The following TMEM117 variants were observed in gnomAD, a reference collection of about 807,000 sequenced individuals.
The protein encoded by TMEM117 is transmembrane protein 117.
TMEM117 carries 27 observed loss-of-function variants against 52.4 expected under a neutral mutation model. The ratio of observed to expected loss-of-function variants is 0.51; its 90% CI spans 0.38 to 0.71. The LOEUF (loss-of-function observed/expected upper bound fraction) is 0.71. TMEM117 is among the 30% of genes least tolerant of loss of function. The probability of loss-of-function intolerance (pLI) is 0.00; values close to 1 mark genes in which losing one functional copy is unlikely to be tolerated. For synonymous variants in TMEM117, 215 were observed against 206.3 expected, an observed-to-expected ratio of 1.04 and a Z score of -0.36; for missense variants, 556 against 630.5, an observed-to-expected ratio of 0.88 and a Z score of 1.26.
chr12:43,956,194 A>G (rs983983575), intron 3 of TMEM117, among the ~76,000 whole-genome samples: 29 of 152,234 alleles, frequency 1.9e-4, no homozygotes, highest in African/African-American at 7.0e-4. Flanking sequence ...AAACCCTAGA[A>G]GACAATCTAG....
At chr12:43,999,613 G>T (rs1356595131) in intron 3 of TMEM117, among the ~76,000 whole-genome samples, 1 of 152,040 alleles carries the variant, frequency 6.6e-6, no homozygotes, top group Non-Finnish European at 1.5e-5. Flanking sequence ...AAGTAGGTGG[G>T]ACTACAGGCA....
At chr12:44,350,515 C>T (rs928317200) in intron 6 of TMEM117, among the ~76,000 whole-genome samples, 9 of 151,970 alleles carry the variant, frequency 5.9e-5, no homozygotes, top group Middle Eastern at 3.4e-3. Flanking sequence ...TTTGTTGTAT[C>T]CATTATCCTT....
intron 5 of TMEM117, among the ~76,000 whole-genome samples, chr12:44,275,381 G>T (rs2138579224): frequency 6.6e-6 from 1 of 152,236 alleles, no homozygotes; most frequent in East Asian, 1.9e-4. Context: ...ATGGAGAACA[G>T]TTTGGAGGTT....
At chr12:43,969,057 C>A (rs1945531352) in intron 3 of TMEM117, among the ~76,000 whole-genome samples, 1 of 149,074 alleles carries the variant, frequency 6.7e-6, no homozygotes, top group African/African-American at 2.6e-5. Context: ...GGTAATGTCA[C>A]AGTATCACTA....
At chr12:43,819,464 C>T in the TMEM117 span, among the ~76,000 whole-genome samples, 168 of 152,024 alleles carry the variant, frequency 1.1e-3, no homozygotes, top group Admixed American at 3.9e-3. Flanking sequence ...TTATAGTACC[C>T]ATGACTGGGT....
intron 5 of TMEM117, 34 bp from the exon 6 acceptor site, chr12:44,299,546 T>C (rs754957817): frequency 4.3e-6 from 7 of 1,611,022 alleles, no homozygotes; most frequent in Non-Finnish European, 5.1e-6. Context: ...ATTTTATGCC[T>C]TATGTTCTTT....
Position 44,263,305 on chromosome 12 carries a change from C to G in TMEM117, c.609-36275C>G, listed in dbSNP as rs557923053. 2.6e-5 allele frequency among the ~76,000 whole-genome samples: 4 copies of G among 152,186 alleles called. No individual in the cohort carries two copies. The South Asian group carries it at 8.3e-4, about 32-fold the overall frequency. Reference sequence around the variant, plus strand: ...TGCAAATCAAAACCACAATGAGATACCATCTCACGCCAGTTAGAATGGTGA... The same window carrying G: ...TGCAAATCAAAACCACAATGAGATAGCATCTCACGCCAGTTAGAATGGTGA... On this transcript the variant is annotated intron_variant, in intron 5 of 7. Transcript: ENST00000266534.
intron 3 of TMEM117, among the ~76,000 whole-genome samples, chr12:44,049,851 G>A (rs1232651597): frequency 3.9e-5 from 6 of 152,142 alleles, no homozygotes; most frequent in South Asian, 2.1e-4. Flanking sequence ...AGAATGGCCC[G>A]AGGAATTAAC....
chr12:43,913,614 A>T (rs538270472), intron 2 of TMEM117, among the ~76,000 whole-genome samples: 2 of 152,214 alleles, frequency 1.3e-5, no homozygotes, highest in African/African-American at 4.8e-5. Context: ...TTTAAATCTA[A>T]CATCCAGGTG....
rs985414673 is a variant in TMEM117, at chr12:43,996,406, G to A, written c.410+52064G>A. 5.3e-5 allele frequency among the ~76,000 whole-genome samples: 8 copies of A among 152,230 alleles called. No homozygotes were observed. In the East Asian group the frequency reaches 1.2e-3, roughly 22 times the overall value. On this transcript the variant is annotated intron_variant, in intron 3 of 7. Transcript: ENST00000266534. ...CACCTGTAATCCCAGCCCTTTGGGA[G>A]GCCGAGGTGGGCAGATCACAAGGTC...
Position 43,885,088 on chromosome 12 carries a change from G to A in TMEM117, c.277+40160G>A, listed in dbSNP as rs146509012. ...TGCGCAATACAGGCCCCAGATAGTC[G>A]CTACCCGAGACACCTATCCCATCCC... On this transcript the variant is annotated intron_variant, in intron 2 of 7. Transcript: ENST00000266534. 4.3e-3 allele frequency among the ~76,000 whole-genome samples: 658 copies of A among 152,174 alleles called. 1 individual carries two copies. The highest frequency in any genetic ancestry group is 6.5e-3 in the Non-Finnish European group (439 of 68,004).
intron 3 of TMEM117, among the ~76,000 whole-genome samples, chr12:43,982,112 T>A (rs989759637): frequency 6.6e-6 from 1 of 152,166 alleles, no homozygotes; most frequent in South Asian, 2.1e-4. Flanking sequence ...AAACACTAAA[T>A]TGTACCCTGT....
intron 2 of TMEM117, among the ~76,000 whole-genome samples, chr12:43,920,569 T>C (rs1454340433): frequency 8.0e-6 from 1 of 125,758 alleles, no homozygotes; most frequent in African/African-American, 3.7e-5. Flanking sequence ...TTTTTTTTTT[T>C]TGACAGGATC....
downstream of TMEM117, among the ~76,000 whole-genome samples, chr12:44,389,963 C>T (rs1214163527): frequency 6.6e-6 from 1 of 152,046 alleles, no homozygotes; most frequent in Non-Finnish European, 1.5e-5. Context: ...TCCTGTCACA[C>T]ACTGACATAG....
At chr12:44,118,758 G>GA (rs59315687) in intron 3 of TMEM117, among the ~76,000 whole-genome samples, 37,830 of 152,012 alleles carry the variant, frequency 0.25, 8,310 homozygotes, top group African/African-American at 0.6. Flanking sequence ...TTTTCAGGCA[G>GA]GGTATTTTTT....
chr12:44,255,125 G>T (rs1277199013), intron 5 of TMEM117, among the ~76,000 whole-genome samples: 2 of 152,148 alleles, frequency 1.3e-5, no homozygotes, highest in East Asian at 1.9e-4. Context: ...ACATACGTGT[G>T]CATGTGTCTT....
chr12:44,154,685 A>T (rs1948801528), intron 4 of TMEM117, among the ~76,000 whole-genome samples: 1 of 151,924 alleles, frequency 6.6e-6, no homozygotes, highest in African/African-American at 2.4e-5. Context: ...AGGTTTGAAA[A>T]AAAAAGAAGG....
chr12:44,063,882 A>G (rs899928043), intron 3 of TMEM117, among the ~76,000 whole-genome samples: 1 of 152,186 alleles, frequency 6.6e-6, no homozygotes, highest in Non-Finnish European at 1.5e-5. Context: ...GCAACCAGCG[A>G]AGGAGCTGTA....
chr12:44,063,022 C>A (rs1947163232), intron 3 of TMEM117, among the ~76,000 whole-genome samples: 1 of 152,116 alleles, frequency 6.6e-6, no homozygotes, highest in African/African-American at 2.4e-5. Context: ...TGATGTCATG[C>A]ACCTGCTGTA....
Sources: allele counts gnomAD v4.1 joint callset (sites outside exome capture counted in the v4.1 genomes callset), GRCh38; gene constraint gnomAD v4.1.1; transcripts MANE v1.5; gene names NCBI Gene and HGNC (gene_info 2026-07-23, HGNC 2026-07-21).